Variants in PDE11A observed in about 807,000 individuals in gnomAD.
PDE11A encodes phosphodiesterase 11A.
A neutral mutation model predicts 100.5 loss-of-function variants in PDE11A; 100 were observed. That is an observed-to-expected ratio of 1.00 (90% CI 0.85 to 1.18). The LOEUF (loss-of-function observed/expected upper bound fraction) is 1.18, where lower values mean the gene tolerates loss of function less well. Ranked by LOEUF, PDE11A falls within the 50% of genes most tolerant of loss-of-function variation. The pLI is 0.00. For synonymous variants in PDE11A, 381 were observed against 420.8 expected (o/e 0.91, Z 1.16); for missense variants, 1,141 against 1,152.6 (o/e 0.99, Z 0.15).
intron 9 of PDE11A, among the ~76,000 whole-genome samples, chr2:177,795,124 T>C (rs2082687356): frequency 6.6e-6 from 1 of 152,208 alleles, no homozygotes; most frequent in African/African-American, 2.4e-5. Context: ...CCTTTATTCT[T>C]ATTTCATTCT....
chr2:177,706,625 T>C (rs895481074), intron 13 of PDE11A, among the ~76,000 whole-genome samples: 1 of 152,200 alleles, frequency 6.6e-6, no homozygotes, highest in African/African-American at 2.4e-5. Flanking sequence ...GGTTGGGTAA[T>C]GGTGGCATTA....
intron 6 of PDE11A, among the ~76,000 whole-genome samples, chr2:177,822,369 C>A (rs1301401493): frequency 6.6e-6 from 1 of 151,946 alleles, no homozygotes; most frequent in Non-Finnish European, 1.5e-5. Context: ...CATCACTCTA[C>A]TGTGCCATCA....
At chr2:177,836,921 T>C (rs1356431389) in intron 6 of PDE11A, among the ~76,000 whole-genome samples, 1 of 151,850 alleles carries the variant, frequency 6.6e-6, no homozygotes, top group Non-Finnish European at 1.5e-5. Flanking sequence ...AGGAACAAAC[T>C]CCGGACACAC....
intron 15 of PDE11A, among the ~76,000 whole-genome samples, chr2:177,683,965 G>A (rs1490169019): frequency 6.6e-6 from 1 of 152,084 alleles, no homozygotes; most frequent in Non-Finnish European, 1.5e-5. Flanking sequence ...ATTTGGCCCT[G>A]TTAGATACTC....
intron 1 of PDE11A, among the ~76,000 whole-genome samples, chr2:178,054,925 T>C (rs1224469948): frequency 6.6e-6 from 1 of 152,230 alleles, no homozygotes; most frequent in Non-Finnish European, 1.5e-5. Context: ...TCAACCATTG[T>C]GGAAGACAGT....
At chr2:177,937,569 G>A (rs1004816854) in intron 2 of PDE11A, among the ~76,000 whole-genome samples, 2 of 152,042 alleles carry the variant, frequency 1.3e-5, no homozygotes, top group Admixed American at 6.6e-5. Flanking sequence ...TGCCAGTCTC[G>A]CCCTTTCAAA....
intron 2 of PDE11A, among the ~76,000 whole-genome samples, chr2:177,999,590 A>G (rs1235968991): frequency 1.3e-5 from 2 of 152,204 alleles, no homozygotes; most frequent in South Asian, 2.1e-4. Flanking sequence ...AGACGCTATG[A>G]TGCTACCCAA....
At chr2:177,802,246 T>C (rs1488859859) in intron 9 of PDE11A, among the ~76,000 whole-genome samples, 1 of 152,096 alleles carries the variant, frequency 6.6e-6, no homozygotes, top group Non-Finnish European at 1.5e-5. Context: ...AAGACTTTCA[T>C]AGTTACTTGA....
At chr2:177,911,612 G>A (rs927441131) in intron 2 of PDE11A, among the ~76,000 whole-genome samples, 4 of 152,128 alleles carry the variant, frequency 2.6e-5, no homozygotes, top group African/African-American at 7.2e-5. Context: ...GGCCAGGCGC[G>A]GTGGCTTATG....
Position 178,052,906 on chromosome 2 carries a change from C to T in PDE11A, c.912+18620G>A, listed in dbSNP as rs551187891. On this transcript the variant is annotated intron_variant, in intron 1 of 19. Transcript: ENST00000286063. ...CAACAAAAAAAAGTCCAGGACCAGA[C>T]GGATTCACAGCCAAATTCTACCAGA... is the stretch of plus-strand genomic sequence containing the variant. 1.8e-4 allele frequency among the ~76,000 whole-genome samples: 28 copies of T among 152,154 alleles called. No individual in the cohort carries two copies. The South Asian group carries it at 2.7e-3, about 15-fold the overall frequency.
At chr2:177,875,097 C>T (rs1290857346) in intron 5 of PDE11A, among the ~76,000 whole-genome samples, 1 of 151,766 alleles carries the variant, frequency 6.6e-6, no homozygotes, top group African/African-American at 2.4e-5. Flanking sequence ...GGTGGCATGC[C>T]CTGGTAATCC....
intron 18 of PDE11A, among the ~76,000 whole-genome samples, chr2:177,666,641 G>A (rs1364038820): frequency 1.3e-5 from 2 of 152,134 alleles, no homozygotes; most frequent in African/African-American, 2.4e-5. Context: ...GCATTTCCCT[G>A]ATGACTAATG....
intron 19 of PDE11A, among the ~76,000 whole-genome samples, chr2:177,642,650 T>G (rs1006708191): frequency 1.5e-4 from 23 of 152,172 alleles, no homozygotes; most frequent in Admixed American, 1.5e-3. Flanking sequence ...AGAAAACTCT[T>G]TAAATGGGGC....
chr2:177,953,019 C>T (rs1211121943), intron 2 of PDE11A: 1 of 152,126 alleles, frequency 6.6e-6, no homozygotes, highest in Admixed American at 6.5e-5. Flanking sequence ...AGATTTGTTG[C>T]CAAACCTCTG....
chr2:178,096,392 C>T (rs2087491972), intron 2 of PDE11A, among the ~76,000 whole-genome samples: 2 of 149,016 alleles, frequency 1.3e-5, no homozygotes, highest in African/African-American at 2.5e-5. Flanking sequence ...CCAGGATGGT[C>T]TCGATCTCCT....
At chr2:177,829,957 G>A (rs1025542121) in intron 6 of PDE11A, among the ~76,000 whole-genome samples, 4 of 152,064 alleles carry the variant, frequency 2.6e-5, no homozygotes, top group Admixed American at 6.6e-5. Context: ...AAGCCACTCC[G>A]GACATGAGGT....
chr2:177,747,976 G>C (rs146256553), intron 10 of PDE11A, among the ~76,000 whole-genome samples: 1 of 152,034 alleles, frequency 6.6e-6, no homozygotes, highest in Non-Finnish European at 1.5e-5. Flanking sequence ...AGACCCTCCC[G>C]ATCCTCTAGT....
At position 177,786,478 on chromosome 2, in the gene PDE11A, C is replaced by T. The variant is rs372901252; in HGVS notation, c.1738-17105G>A. Among the ~76,000 whole-genome samples the T allele has an allele frequency of 3.4e-3, 510 of 152,014 alleles. 3 individuals carry two copies. Among genetic ancestry groups the T allele is most frequent in the South Asian group, 0.016 (78 of 4,808 alleles). On this transcript the variant is annotated intron_variant, in intron 9 of 19. Coordinates refer to ENST00000286063, the MANE Select transcript of PDE11A (RefSeq NM_016953.4). ...AAACTGGAAACTCTAAAAAGCAGAGCGCCTCTCCTCCTCCAAAGGAACGCA... is the reference window on the plus strand; with the variant it reads ...AAACTGGAAACTCTAAAAAGCAGAGTGCCTCTCCTCCTCCAAAGGAACGCA...
intron 9 of PDE11A, among the ~76,000 whole-genome samples, chr2:177,814,820 A>G (rs2083010747): frequency 6.6e-6 from 1 of 152,172 alleles, no homozygotes; most frequent in Non-Finnish European, 1.5e-5. Flanking sequence ...TTTCTAGGTA[A>G]TGGTAACTGT....
Sources: allele counts gnomAD v4.1 joint callset (sites outside exome capture counted in the v4.1 genomes callset), GRCh38; gene constraint gnomAD v4.1.1; transcripts MANE v1.5; gene names NCBI Gene and HGNC (gene_info 2026-07-23, HGNC 2026-07-21).